The following FIRRM variants were observed in gnomAD, a reference collection of about 807,000 sequenced individuals.
FIRRM encodes FIGNL1 interacting regulator of recombination and mitosis.
the FIRRM span, chr1:169,830,760 A>G: frequency 3.1e-6 from 5 of 1,613,246 alleles, no homozygotes; most frequent in South Asian, 5.5e-5. Flanking sequence ...GCGTAGAATT[A>G]CAAGGCCTAA....
chr1:169,784,595 G>T, the FIRRM span, among the ~76,000 whole-genome samples: 5 of 152,080 alleles, frequency 3.3e-5, no homozygotes, highest in Non-Finnish European at 5.9e-5. Context: ...TTCTGAGAAG[G>T]CTTGAGTCCA....
the FIRRM span, among the ~76,000 whole-genome samples, chr1:169,789,052 G>T: frequency 1.3e-5 from 2 of 152,162 alleles, no homozygotes; most frequent in African/African-American, 4.8e-5. Flanking sequence ...TGCAGTAGAG[G>T]AGTCTTACAA....
the FIRRM span, among the ~76,000 whole-genome samples, chr1:169,821,432 G>A: frequency 4.6e-5 from 7 of 151,968 alleles, no homozygotes; most frequent in African/African-American, 7.2e-5. Context: ...TTTTGCTATC[G>A]TAGGTTAAGA....
the FIRRM span, among the ~76,000 whole-genome samples, chr1:169,811,559 G>T: frequency 6.6e-6 from 1 of 152,130 alleles, no homozygotes. Flanking sequence ...GGAGACTGGG[G>T]TGGGAGGATG....
chr1:169,825,027 A>G, the FIRRM span, among the ~76,000 whole-genome samples: 2 of 152,188 alleles, frequency 1.3e-5, no homozygotes, highest in Non-Finnish European at 2.9e-5. Flanking sequence ...CAGTTCTTCA[A>G]ATTGATCAGG....
At chr1:169,847,594 C>A in the FIRRM span, 3 of 851,024 alleles carry the variant, frequency 3.5e-6, no homozygotes, top group South Asian at 1.8e-5. Flanking sequence ...GTTTTGTTTC[C>A]CCTCCCCACA....
chr1:169,827,597 C>T, the FIRRM span: 1 of 1,144,352 alleles, frequency 8.7e-7, no homozygotes, highest in Admixed American at 1.8e-5. Flanking sequence ...GAGATTACAC[C>T]ACTGCACTCC....
the FIRRM span, chr1:169,792,789 T>C: frequency 6.2e-7 from 1 of 1,612,728 alleles, no homozygotes; most frequent in Non-Finnish European, 8.5e-7. Context: ...TGCAAATTAC[T>C]ATAATAATCT....
the FIRRM span, chr1:169,803,263 C>T: frequency 6.2e-7 from 1 of 1,613,828 alleles, no homozygotes; most frequent in Non-Finnish European, 8.5e-7. Context: ...CAGAGTCTCC[C>T]CTCCTCAGTC....
chr1:169,808,395 T>C, the FIRRM span, among the ~76,000 whole-genome samples: 1 of 152,196 alleles, frequency 6.6e-6, no homozygotes, highest in South Asian at 2.1e-4. Flanking sequence ...GTTTTTATTT[T>C]GAAAAGTTAG....
chr1:169,812,400 G>A, the FIRRM span, among the ~76,000 whole-genome samples: 1,761 of 152,252 alleles, frequency 0.012, 37 homozygotes, highest in African/African-American at 0.04. Flanking sequence ...TGGAGGACTG[G>A]GTATTGGCTG....
chr1:169,854,053 A>C, the FIRRM span: 1 of 567,648 alleles, frequency 1.8e-6, no homozygotes, highest in Non-Finnish European at 3.0e-6. Flanking sequence ...TTTTCAAATA[A>C]AAAGGTTACA....
chr1:169,829,287 C>G, the FIRRM span: 3 of 1,588,268 alleles, frequency 1.9e-6, no homozygotes, highest in African/African-American at 4.1e-5. Flanking sequence ...AAGCCGTTTT[C>G]TACAGTTTTG....
chr1:169,803,373 A>G, the FIRRM span: 1 of 1,421,994 alleles, frequency 7.0e-7, no homozygotes, highest in African/African-American at 1.4e-5. Context: ...GCTGAGTAAA[A>G]TAATGTTTGT....
At chr1:169,854,051 TA>T in the FIRRM span, 6 of 566,168 alleles carry the variant, frequency 1.1e-5, no homozygotes, top group Non-Finnish European at 1.8e-5. Flanking sequence ...CTTTTTCAAA[TA>T]AAAAGGTTAC....
chr1:169,843,136 TG>T, the FIRRM span, among the ~76,000 whole-genome samples: 1 of 152,244 alleles, frequency 6.6e-6, no homozygotes, highest in African/African-American at 2.4e-5. Flanking sequence ...GCCATACTTT[TG>T]GGAAATGATA....
the FIRRM span, chr1:169,853,742 C>A: frequency 1.2e-6 from 2 of 1,613,642 alleles, no homozygotes; most frequent in Non-Finnish European, 1.7e-6. Context: ...CAGTTCAGCT[C>A]CCCTTCTTCT....
At chr1:169,798,604 T>C in the FIRRM span, among the ~76,000 whole-genome samples, 3 of 152,116 alleles carry the variant, frequency 2.0e-5, no homozygotes, top group Non-Finnish European at 2.9e-5. Context: ...AATAAATAAA[T>C]AAATCATAAA....
chr1:169,843,025 G>A, the FIRRM span, among the ~76,000 whole-genome samples: 1 of 152,168 alleles, frequency 6.6e-6, no homozygotes, highest in Non-Finnish European at 1.5e-5. Flanking sequence ...ACACATGGTT[G>A]TACACGTGTT....
Sources: allele counts gnomAD v4.1 joint callset (sites outside exome capture counted in the v4.1 genomes callset), GRCh38; gene constraint gnomAD v4.1.1; transcripts MANE v1.5; gene names NCBI Gene and HGNC (gene_info 2026-07-23, HGNC 2026-07-21).